The following INPP5B variants were observed in gnomAD, a reference collection of about 807,000 sequenced individuals.
INPP5B encodes type II inositol 1,4,5-trisphosphate 5-phosphatase.
Under a neutral mutation model 118.5 loss-of-function variants are expected in INPP5B, and 90 were observed. The observed-to-expected ratio is 0.76, with a 90% CI of 0.64 to 0.90. The LOEUF (loss-of-function observed/expected upper bound fraction) is 0.90. Ranked by LOEUF, INPP5B falls within the 40% of genes least tolerant of loss-of-function variation. The probability of loss-of-function intolerance (pLI) is 0.00; values close to 1 mark genes in which losing one functional copy is unlikely to be tolerated. For missense variants in INPP5B, 984 were observed against 1,125.6 expected (o/e 0.87, Z 1.80); for synonymous variants, 385 against 418.9 (o/e 0.92, Z 0.99).
rs71053999 is a variant in INPP5B at position 37,893,085 on chromosome 1, CTTTTTTTT to C, written c.533-1639_533-1632del. ...TATGTTTTTTTATTATTTTCTTTTT[CTTTTTTTT>C]TTTTTTTTTTTTTTTTTGGGACAGG... On this transcript the variant is annotated intron_variant, in intron 7 of 23. Coordinates refer to ENST00000373024, the MANE Select transcript of INPP5B (RefSeq NM_005540.3). Among the ~76,000 whole-genome samples, 13 of 81,422 alleles carry C rather than the reference CTTTTTTTT, an allele frequency of 1.6e-4. 1 individual carries two copies. The highest frequency in any genetic ancestry group is 6.6e-4 in the African/African-American group (11 of 16,740). The allele number at this position is 81,422 out of a possible 152,430, so 53.4% of individuals were successfully genotyped here. A position where few individuals can be genotyped will look rare whatever the true frequency, so the allele number is the denominator to read the frequency against.
intron 7 of INPP5B, among the ~76,000 whole-genome samples, chr1:37,918,839 C>T (rs1207634327): frequency 1.3e-5 from 2 of 152,188 alleles, no homozygotes; most frequent in Non-Finnish European, 2.9e-5. Flanking sequence ...CTGTTCCTCT[C>T]CCTCTTCTCC....
At chr1:37,921,098 T>C (rs1276757393) in intron 7 of INPP5B, among the ~76,000 whole-genome samples, 17 of 152,122 alleles carry the variant, frequency 1.1e-4, no homozygotes, top group Admixed American at 9.8e-4. Context: ...AGAGTAAGAC[T>C]CCATCTCAAA....
chr1:37,939,348 G>A (rs1027630449), intron 6 of INPP5B, among the ~76,000 whole-genome samples: 2 of 151,600 alleles, frequency 1.3e-5, no homozygotes, highest in South Asian at 4.2e-4. Flanking sequence ...TGGGCAACAA[G>A]AGCAAAACTC....
rs541736028 is a variant in INPP5B, at chr1:37,895,976, C to G, written c.533-4522G>C. Among the ~76,000 whole-genome samples the G allele has an allele frequency of 6.3e-3, 958 of 151,302 alleles. 12 individuals carry two copies. Among genetic ancestry groups the G allele is most frequent in the African/African-American group, 0.021 (875 of 41,244 alleles). ...GGAGCGTCTCCGCCTGGCCGCCCATCGTCTGGGATGTGAGGAGCCCCTCTG... is the reference window on the plus strand; with the variant it reads ...GGAGCGTCTCCGCCTGGCCGCCCATGGTCTGGGATGTGAGGAGCCCCTCTG... On this transcript the variant is annotated intron_variant, in intron 7 of 23. Coordinates refer to ENST00000373024, the MANE Select transcript of INPP5B (RefSeq NM_005540.3).
At position 37,886,990 on chromosome 1, in the gene INPP5B, TCGGATAAGC is replaced by T; in HGVS notation, c.1020_1028del (p.Ile342_Leu344del). 2 of 1,613,874 alleles carry T rather than the reference TCGGATAAGC, an allele frequency of 1.2e-6. No homozygotes were observed. The highest frequency in any genetic ancestry group is 1.7e-6 in the Non-Finnish European group (2 of 1,179,864). ...ATAACAGCAGCATAATCCCAACCAG[TCGGATAAGC>T]TTCACCTGGAAAAGAGAGACATGGC... On this transcript the variant is annotated inframe_deletion, in exon 12 of 24. Coordinates refer to ENST00000373024, the MANE Select transcript of INPP5B (RefSeq NM_005540.3).
chr1:37,888,464 A>C (rs1643661608), intron 9 of INPP5B, 120 bp from the exon 10 acceptor site: 3 of 546,446 alleles, frequency 5.5e-6, no homozygotes, highest in Non-Finnish European at 9.3e-6. Context: ...AGACATAAGA[A>C]ATGTCATTTC....
intron 6 of INPP5B, among the ~76,000 whole-genome samples, chr1:37,939,287 C>T (rs1010262931): frequency 3.3e-5 from 5 of 151,340 alleles, no homozygotes; most frequent in African/African-American, 1.2e-4. Context: ...TTGCTTGAAC[C>T]GGGGAGGTGG....
At position 37,878,203 on chromosome 1, in the gene INPP5B, T is replaced by C. The variant is rs371596558; in HGVS notation, c.1662A>G (p.Ser554=). 2 of 1,613,866 alleles carry C rather than the reference T, an allele frequency of 1.2e-6. No individual in the cohort carries two copies. Among genetic ancestry groups the C allele is most frequent in the Non-Finnish European group, 1.7e-6 (2 of 1,179,894 alleles). The change falls in exon 16 of 24, where the codon TCA becomes TCG. Residue 554 remains serine (S), a synonymous_variant. Coordinates refer to ENST00000373024, the MANE Select transcript of INPP5B (RefSeq NM_005540.3). ...TGCCACCTACCCCGATGTCAAACAC[T>C]GAGCTGACAGGCTTGTGGTCACTGG... ...LKTSDHKPVS[S]VFDIGVRVVN...
chr1:37,915,461 T>A lies in INPP5B; in HGVS notation c.532+16452A>T, dbSNP rs530471348. On this transcript the variant is annotated intron_variant, in intron 7 of 23. Coordinates refer to ENST00000373024, the MANE Select transcript of INPP5B (RefSeq NM_005540.3). ...AGCAAGTCTTACTGCCAAATTGAGC[T>A]TGGGTCAAACTTACAAGAAAAATTT... is the stretch of plus-strand genomic sequence containing the variant. Among the ~76,000 whole-genome samples, 6 of 152,362 alleles carry A rather than the reference T, an allele frequency of 3.9e-5. No individual in the cohort carries two copies. The East Asian group carries it at 7.7e-4, about 20-fold the overall frequency.
At chr1:37,892,513 G>C (rs1643877909) in intron 7 of INPP5B, among the ~76,000 whole-genome samples, 1 of 152,200 alleles carries the variant, frequency 6.6e-6, no homozygotes, top group Non-Finnish European at 1.5e-5. Context: ...CGGTCACAGA[G>C]AGATGTGATT....
chr1:37,869,969 C>T (rs2148457246), intron 19 of INPP5B: 1 of 151,934 alleles, frequency 6.6e-6, no homozygotes, highest in African/African-American at 2.4e-5. Flanking sequence ...GAATTGTCTC[C>T]ATAGGAATCT....
chr1:37,872,203 C>T (rs1172901536), intron 19 of INPP5B, among the ~76,000 whole-genome samples: 2 of 149,654 alleles, frequency 1.3e-5, no homozygotes, highest in Non-Finnish European at 3.0e-5. Flanking sequence ...CCTGTCTCTA[C>T]TAAAAACACA....
At chr1:37,886,736 T>G (rs1643560192) in intron 12 of INPP5B, 152 bp downstream of exon 12, 1 of 647,892 alleles carries the variant, frequency 1.5e-6, no homozygotes, top group South Asian at 1.9e-5. Flanking sequence ...TCTAAATAGT[T>G]TGCTCGACTG....
At chr1:37,865,231 T>G (rs1641958312) in intron 22 of INPP5B, among the ~76,000 whole-genome samples, 1 of 151,852 alleles carries the variant, frequency 6.6e-6, no homozygotes, top group Non-Finnish European at 1.5e-5. Context: ...GGCTTTAGAA[T>G]CTCTATTATT....
At chr1:37,869,990 A>T (rs1248286724) in intron 19 of INPP5B, 1 of 152,168 alleles carries the variant, frequency 6.6e-6, no homozygotes, top group Admixed American at 6.6e-5. Flanking sequence ...TTTAGATGGC[A>T]GCAAATTTAG....
intron 7 of INPP5B, among the ~76,000 whole-genome samples, chr1:37,915,303 C>T (rs187508289): frequency 2.3e-3 from 344 of 152,318 alleles, no homozygotes; most frequent in Non-Finnish European, 4.1e-3. Context: ...GTATCAAATA[C>T]TACATAACAA....
rs528380197 is a variant in INPP5B, at chr1:37,932,028, A to C, written c.417T>G (p.Pro139=). ...TATACCGAGACAGCCACAGGAATTC[A>C]GGATCCCGGGTCGCAGAATCGAAGC... ...CPGFDSATRD[P]EFLWLSRYRC... The change falls in exon 7 of 24, where the codon CCT becomes CCG. Residue 139 remains proline, a synonymous_variant. Coordinates refer to ENST00000373024, the MANE Select transcript of INPP5B (RefSeq NM_005540.3). The C allele has an allele frequency of 6.2e-7, 1 of 1,602,320 alleles. No individual in the cohort carries two copies. The highest frequency in any genetic ancestry group is 2.2e-5 in the East Asian group (1 of 44,566).
At chr1:37,940,824 C>T (rs936683790) in intron 5 of INPP5B, 26 bp from the exon 6 acceptor site, 3 of 1,522,768 alleles carry the variant, frequency 2.0e-6, no homozygotes, top group Non-Finnish European at 2.7e-6. Context: ...AGGAAATGAA[C>T]CCTTGGCTGC....
intron 7 of INPP5B, among the ~76,000 whole-genome samples, chr1:37,897,230 G>A (rs1451065900): frequency 3.3e-5 from 5 of 151,644 alleles, no homozygotes; most frequent in Non-Finnish European, 5.9e-5. Flanking sequence ...CGTCTGGGAG[G>A]TGTACCCAAC....
Sources: gnomAD v4.1 joint callset for allele counts (sites outside exome capture counted in the v4.1 genomes callset) on GRCh38, gnomAD v4.1.1 for gene constraint, MANE v1.5 for transcripts, NCBI Gene and HGNC (gene_info 2026-07-23, HGNC 2026-07-21) for gene names.